The following MROH9 variants were observed in gnomAD, a reference collection of about 807,000 sequenced individuals.
The protein encoded by MROH9 is maestro heat like repeat family member 9.
MROH9 carries 92 observed loss-of-function variants against 98.2 expected under a neutral mutation model. That is an observed-to-expected ratio of 0.94 (90% confidence interval 0.79 to 1.11). The LOEUF is 1.11. Ranked by LOEUF, MROH9 falls within the 50% of genes most tolerant of loss-of-function variation. The pLI is 0.00. For missense variants in MROH9, 1,057 were observed against 1,014.8 expected, an observed-to-expected ratio of 1.04 and a Z score of -0.57; for synonymous variants, 397 against 368.9, an observed-to-expected ratio of 1.08 and a Z score of -0.87.
chr1:171,044,972 C>CTTTTTTTTTTTTTTTTTTTTTTTTTTT (rs754332732), intron 20 of MROH9, among the ~76,000 whole-genome samples: 2 of 45,712 alleles, frequency 4.4e-5, no homozygotes, highest in Non-Finnish European at 4.5e-5. Context: ...CTGCTCTGAT[C>CTTTTTTTTTTTTTTTTTTTTTTTTTTT]TTTTTTTTTT....
At chr1:171,021,858 C>A (rs1362489276) in intron 17 of MROH9, among the ~76,000 whole-genome samples, 1 of 148,430 alleles carries the variant, frequency 6.7e-6, no homozygotes, top group Non-Finnish European at 1.5e-5. Context: ...ACCCATCTGA[C>A]AAAGATCTAA....
rs554632264 is a variant in MROH9, at chr1:170,958,974, A to G, written c.152+434A>G. Among the ~76,000 whole-genome samples the G allele has an allele frequency of 4.6e-5, 7 of 152,308 alleles. No homozygotes were observed. In the East Asian group the frequency reaches 1.2e-3, roughly 25 times the overall value. Reference sequence around the variant, plus strand: ...AACTGTTTATAGATAATATTTGCAAAGAAATTAATTCCTTTATTTTTACAA... The same window carrying G: ...AACTGTTTATAGATAATATTTGCAAGGAAATTAATTCCTTTATTTTTACAA... On this transcript the variant is annotated intron_variant, in intron 4 of 21. Transcript: ENST00000367759.
At chr1:171,038,453 CA>C (rs1653181187) in intron 20 of MROH9, among the ~76,000 whole-genome samples, 1 of 152,132 alleles carries the variant, frequency 6.6e-6, no homozygotes, top group Non-Finnish European at 1.5e-5. Context: ...CAAAATCTAT[CA>C]AAATGTGAAA....
chr1:170,976,776 C>T (rs1057451064), intron 8 of MROH9, among the ~76,000 whole-genome samples: 1 of 151,994 alleles, frequency 6.6e-6, no homozygotes, highest in Non-Finnish European at 1.5e-5. Context: ...GACTGTTGAC[C>T]TGTCTAGCAA....
At chr1:170,995,295 G>A (rs1651521496) in intron 12 of MROH9, 94 bp from the exon 13 acceptor site, 22 of 1,360,658 alleles carry the variant, frequency 1.6e-5, no homozygotes, top group Non-Finnish European at 2.2e-5. Context: ...CTGAAGGAGG[G>A]GTTGCAGAGT....
intron 20 of MROH9, among the ~76,000 whole-genome samples, chr1:171,036,867 A>C (rs1247425265): frequency 6.6e-6 from 1 of 151,782 alleles, no homozygotes; most frequent in African/African-American, 2.4e-5. Flanking sequence ...TATATGGATG[A>C]AAGCAGACAC....
At position 170,998,233 on chromosome 1, in the gene MROH9, A is replaced by G; in HGVS notation, c.1555A>G (p.Arg519Gly). ...LYKLSVEGPR[R>G]SEDTVIVLIF... ...TAAGCTCTCAGTAGAAGGTCCTAGAAGGTCAGAAGACACTGTCATCGTATT... is the reference window on the plus strand; with the variant it reads ...TAAGCTCTCAGTAGAAGGTCCTAGAGGGTCAGAAGACACTGTCATCGTATT... The change falls in exon 15 of 22, where the codon AGG (arginine) becomes GGG (glycine). Residue 519 changes from arginine to glycine, a missense_variant. By Grantham distance (125) the Arg-to-Gly change is moderately radical. Transcript: ENST00000367759. The G allele has an allele frequency of 6.2e-7, 1 of 1,613,458 alleles. No homozygotes were observed. The highest frequency in any genetic ancestry group is 8.5e-7 in the Non-Finnish European group (1 of 1,179,586).
rs181007374 is a variant in MROH9, at chr1:170,953,437, T to C, written c.73-5024T>C. On this transcript the variant is annotated intron_variant, in intron 3 of 21. Coordinates refer to ENST00000367759, the MANE Select transcript of MROH9 (RefSeq NM_001163629.2). The stretch of plus-strand genomic sequence containing the variant: ...AAAAAAAACTTTTCCTAACCAAAAA[T>C]GGCTGTTTTCTTCTAAAGGTTTTAT... Among the ~76,000 whole-genome samples the C allele has an allele frequency of 3.4e-3, 513 of 152,072 alleles. 1 individual carries two copies. The highest frequency in any genetic ancestry group is 0.012 in the African/African-American group (492 of 41,506).
At chr1:171,010,252 T>C (rs892879992) in intron 15 of MROH9, among the ~76,000 whole-genome samples, 1 of 152,212 alleles carries the variant, frequency 6.6e-6, no homozygotes, top group Non-Finnish European at 1.5e-5. Context: ...GCTTCATCCA[T>C]GTCCCTGCAA....
chr1:171,059,832 G>C (rs1653958843), intron 20 of MROH9, among the ~76,000 whole-genome samples: 1 of 152,108 alleles, frequency 6.6e-6, no homozygotes, highest in African/African-American at 2.4e-5. Flanking sequence ...TGAACAATGA[G>C]AACACATGGA....
In MROH9 at chr1:171,064,656, G is replaced by C. The variant is rs74123673; in HGVS notation, c.*316G>C. ...AAGCTCTGGGAACTTGATTCAGTCC[G>C]GAAGCTCTACTGAGCACCTTCTAAG... On this transcript the variant is annotated 3_prime_UTR_variant, in exon 22 of 22. Coordinates refer to ENST00000367759, the MANE Select transcript of MROH9 (RefSeq NM_001163629.2). 0.018 allele frequency: 4,149 copies of C among 227,192 alleles called. 176 individuals carry two copies. Among genetic ancestry groups the C allele is most frequent in the African/African-American group, 0.089 (3,815 of 42,894 alleles). 14.1% of individuals were successfully genotyped at this position (227,192 alleles called of 1,614,324 possible).
chr1:170,943,741 T>C (rs1433196150), intron 1 of MROH9, among the ~76,000 whole-genome samples: 2 of 152,012 alleles, frequency 1.3e-5, no homozygotes, highest in African/African-American at 2.4e-5. Flanking sequence ...GAAAACATTA[T>C]AGCTCAGGAG....
intron 13 of MROH9, 24 bp downstream of exon 13, chr1:170,995,555 G>A: frequency 6.2e-7 from 1 of 1,610,680 alleles, no homozygotes; most frequent in South Asian, 1.1e-5. Flanking sequence ...GGTTATTTCA[G>A]ATTAAATAAG....
intron 20 of MROH9, among the ~76,000 whole-genome samples, chr1:171,053,123 C>T (rs1571170732): frequency 6.6e-6 from 1 of 152,296 alleles, no homozygotes; most frequent in East Asian, 1.9e-4. Context: ...AGTTCTGCAG[C>T]AAGAAAGATC....
At chr1:171,059,073 T>A (rs1653938321) in intron 20 of MROH9, among the ~76,000 whole-genome samples, 1 of 151,878 alleles carries the variant, frequency 6.6e-6, no homozygotes. Context: ...TGGGAGAAAA[T>A]TTTTGCAGTC....
chr1:170,976,406 C>G (rs1444443220), intron 8 of MROH9, among the ~76,000 whole-genome samples: 1 of 152,070 alleles, frequency 6.6e-6, no homozygotes, highest in Non-Finnish European at 1.5e-5. Flanking sequence ...ACTTAGGAAG[C>G]TTAGTTGAGC....
At chr1:171,014,028 A>T in intron 15 of MROH9, 89 bp from the exon 16 acceptor site, 1 of 1,083,980 alleles carries the variant, frequency 9.2e-7, no homozygotes, top group Non-Finnish European at 1.3e-6. Flanking sequence ...TTTGCATTCT[A>T]GTTTTACCTA....
intron 3 of MROH9, among the ~76,000 whole-genome samples, chr1:170,952,799 A>G (rs764359031): frequency 6.6e-6 from 1 of 151,810 alleles, no homozygotes; most frequent in East Asian, 1.9e-4. Flanking sequence ...CAACAGTATC[A>G]ATGCCTTTGA....
chr1:171,051,810 TTTTC>T (rs1295540848), intron 20 of MROH9, among the ~76,000 whole-genome samples: 1 of 152,202 alleles, frequency 6.6e-6, no homozygotes, highest in Admixed American at 6.5e-5. Context: ...TGGTCTGTCA[TTTTC>T]TTTCTGTTTT....
Sources: gnomAD v4.1 joint callset for allele counts (sites outside exome capture counted in the v4.1 genomes callset) on GRCh38, gnomAD v4.1.1 for gene constraint, MANE v1.5 for transcripts, NCBI Gene and HGNC (gene_info 2026-07-23, HGNC 2026-07-21) for gene names.